GSG1L: variants seen among roughly 807,000 people sequenced by gnomAD.
The protein encoded by GSG1L is germ cell-specific gene 1-like protein.
In GSG1L, 24 loss-of-function variants were observed where a neutral mutation model predicts 42.1. The ratio of observed to expected loss-of-function variants is 0.57; its 90% CI spans 0.41 to 0.80. The LOEUF (loss-of-function observed/expected upper bound fraction) is 0.80. Among genes scored for constraint, GSG1L ranks in the 30% least tolerant of loss-of-function variants. The probability of loss-of-function intolerance (pLI) is 0.00; values close to 1 mark genes in which losing one functional copy is unlikely to be tolerated. For missense variants in GSG1L, 445 were observed against 472.2 expected (o/e 0.94, Z 0.53); for synonymous variants, 215 against 203.5 (o/e 1.06, Z -0.48).
In GSG1L at chr16:28,032,225, C is replaced by T. The variant is rs190919079; in HGVS notation, c.349+30851G>A. ...GGCTCTTTTTCTTAATTTTGGTATC[C>T]GTCAGACTTGGATTCTCACCTTAGA... On this transcript the variant is annotated intron_variant, in intron 1 of 6. Transcript: ENST00000447459. Among the ~76,000 whole-genome samples the T allele has an allele frequency of 7.9e-5, 12 of 152,180 alleles. No homozygotes were observed. The South Asian group carries it at 1.0e-3, about 13-fold the overall frequency.
chr16:27,936,429 G>C (rs1022367834), intron 2 of GSG1L, among the ~76,000 whole-genome samples: 5 of 152,116 alleles, frequency 3.3e-5, no homozygotes, highest in African/African-American at 1.2e-4. Flanking sequence ...TGCAGGAGCT[G>C]GTTGTTGAAA....
intron 1 of GSG1L, among the ~76,000 whole-genome samples, chr16:28,036,310 C>CGTACTTG (rs1357477223): frequency 1.3e-5 from 2 of 152,200 alleles, no homozygotes; most frequent in African/African-American, 4.8e-5. Flanking sequence ...CCCCTAAAGG[C>CGTACTTG]CACAGGTTCC....
intron 3 of GSG1L, among the ~76,000 whole-genome samples, chr16:27,872,594 G>A (rs181926099): frequency 1.3e-5 from 2 of 152,246 alleles, no homozygotes; most frequent in African/African-American, 4.8e-5. Context: ...TTAGGAGGTC[G>A]GCAGAAGATA....
At chr16:28,003,090 A>T (rs558051706) in intron 1 of GSG1L, among the ~76,000 whole-genome samples, 1 of 152,340 alleles carries the variant, frequency 6.6e-6, no homozygotes, top group Admixed American at 6.5e-5. Flanking sequence ...GTCCTGGGAC[A>T]ATGGGAGAGG....
At chr16:27,899,496 C>A (rs2084231864) in intron 2 of GSG1L, among the ~76,000 whole-genome samples, 1 of 152,122 alleles carries the variant, frequency 6.6e-6, no homozygotes, top group South Asian at 2.1e-4. Flanking sequence ...GCGGGAGGAT[C>A]GCCTGAGCCC....
chr16:28,002,012 C>T (rs1265028729), intron 1 of GSG1L, among the ~76,000 whole-genome samples: 1 of 152,194 alleles, frequency 6.6e-6, no homozygotes. Context: ...TAACTCTGGG[C>T]CATCTTGCCT....
chr16:27,966,666 C>G (rs2085137976), intron 1 of GSG1L, among the ~76,000 whole-genome samples: 1 of 152,154 alleles, frequency 6.6e-6, no homozygotes, highest in African/African-American at 2.4e-5. Context: ...CGGACACAGA[C>G]CTGGCCACCA....
intron 2 of GSG1L, among the ~76,000 whole-genome samples, chr16:27,930,667 A>G (rs1244362677): frequency 6.6e-6 from 1 of 152,216 alleles, no homozygotes; most frequent in East Asian, 1.9e-4. Context: ...AGAATACAGC[A>G]TTTAGGAGGT....
chr16:28,013,931 C>T (rs184580878), intron 1 of GSG1L, among the ~76,000 whole-genome samples: 29 of 152,328 alleles, frequency 1.9e-4, no homozygotes, highest in East Asian at 3.9e-4. Flanking sequence ...ACACTGACAA[C>T]GACCAGGGTG....
At chr16:27,910,956 T>A (rs1032116559) in intron 2 of GSG1L, among the ~76,000 whole-genome samples, 2 of 152,148 alleles carry the variant, frequency 1.3e-5, no homozygotes, top group African/African-American at 4.8e-5. Flanking sequence ...GAAGCTGCAG[T>A]GAGCCATGAT....
intron 6 of GSG1L, among the ~76,000 whole-genome samples, chr16:27,803,579 A>G (rs9927634): frequency 0.54 from 81,382 of 151,570 alleles, 22,214 homozygotes; most frequent in African/African-American, 0.58. Context: ...AAGACACTCT[A>G]GGAATTCTAC....
At chr16:27,993,888 G>A (rs1018104001) in intron 1 of GSG1L, among the ~76,000 whole-genome samples, 1 of 152,180 alleles carries the variant, frequency 6.6e-6, no homozygotes, top group African/African-American at 2.4e-5. Context: ...CTCAAGCTAA[G>A]GGCTCACATG....
intron 2 of GSG1L, among the ~76,000 whole-genome samples, chr16:27,909,188 C>T (rs968282046): frequency 8.5e-5 from 13 of 152,074 alleles, no homozygotes; most frequent in African/African-American, 3.1e-4. Context: ...GCTATCCTGT[C>T]GCTATGGTGC....
chr16:27,939,123 T>C (rs942948911), intron 2 of GSG1L, among the ~76,000 whole-genome samples: 1 of 147,944 alleles, frequency 6.8e-6, no homozygotes, highest in Non-Finnish European at 1.5e-5. Context: ...TCCAGCTGAA[T>C]TTTTTTTTTT....
intron 1 of GSG1L, among the ~76,000 whole-genome samples, chr16:28,044,101 C>G (rs987285933): frequency 2.8e-4 from 43 of 152,228 alleles, no homozygotes; most frequent in African/African-American, 8.7e-4. Context: ...CTGACCTCAA[C>G]AGATACCAGG....
intron 1 of GSG1L, among the ~76,000 whole-genome samples, chr16:28,051,687 G>A (rs551348712): frequency 1.8e-4 from 28 of 152,330 alleles, no homozygotes; most frequent in African/African-American, 6.5e-4. Flanking sequence ...CCTGGGGCAG[G>A]AGCATGCCTG....
intron 1 of GSG1L, among the ~76,000 whole-genome samples, chr16:27,982,448 G>A (rs1021206713): frequency 1.3e-5 from 2 of 152,164 alleles, no homozygotes; most frequent in African/African-American, 4.8e-5. Flanking sequence ...GTGAAGTGAG[G>A]CAATTCCTGG....
chr16:27,846,856 C>T (rs1159914381), intron 3 of GSG1L, among the ~76,000 whole-genome samples: 1 of 150,902 alleles, frequency 6.6e-6, no homozygotes. Context: ...ACTCAGGAGG[C>T]TGAGGCAGGA....
chr16:28,046,794 C>T (rs1016427773), intron 1 of GSG1L, among the ~76,000 whole-genome samples: 3 of 152,204 alleles, frequency 2.0e-5, no homozygotes, highest in African/African-American at 7.2e-5. Flanking sequence ...AAAGCCTGCG[C>T]AAAGCCTTTG....
Sources: gnomAD v4.1 joint callset for allele counts (sites outside exome capture counted in the v4.1 genomes callset) on GRCh38, gnomAD v4.1.1 for gene constraint, MANE v1.5 for transcripts, NCBI Gene and HGNC (gene_info 2026-07-23, HGNC 2026-07-21) for gene names.